ACYP1: variants seen among roughly 807,000 people sequenced by gnomAD.
ACYP1 encodes acylphosphatase-1.
Under a neutral mutation model 10.4 loss-of-function variants are expected in ACYP1, and 8 were observed. The ratio of observed to expected loss-of-function variants is 0.77; its 90% CI spans 0.45 to 1.38. The LOEUF (loss-of-function observed/expected upper bound fraction) is 1.38. Ranked by LOEUF, ACYP1 falls within the 40% of genes most tolerant of loss-of-function variation. ACYP1 has a pLI of 0.00. For missense variants in ACYP1, 93 were observed against 117.3 expected, an observed-to-expected ratio of 0.79 and a Z score of 0.96; for synonymous variants, 38 against 40.8, an observed-to-expected ratio of 0.93 and a Z score of 0.26.
chr14:75,068,995 G>A (rs76140355), upstream of ACYP1, among the ~76,000 whole-genome samples: 2,234 of 152,316 alleles, frequency 0.015, 30 homozygotes, highest in African/African-American at 0.031. Flanking sequence ...TTTTCGATCT[G>A]GTAGTTAACT....
chr14:75,055,457 C>T (rs1892854139), intron 2 of ACYP1, among the ~76,000 whole-genome samples: 2 of 151,298 alleles, frequency 1.3e-5, no homozygotes, highest in Non-Finnish European at 2.9e-5. Flanking sequence ...GCGTTTCCTA[C>T]TGGTTTCATT....
intron 2 of ACYP1, among the ~76,000 whole-genome samples, chr14:75,057,765 G>C (rs776498631): frequency 6.7e-6 from 1 of 150,208 alleles, no homozygotes; most frequent in South Asian, 2.1e-4. Context: ...TCAGGAGTTC[G>C]AGATCAGCCT....
intron 2 of ACYP1, chr14:75,061,664 C>T: frequency 1.3e-6 from 2 of 1,553,198 alleles, no homozygotes; most frequent in Non-Finnish European, 1.8e-6. Flanking sequence ...TCTCAATCAC[C>T]TTAATTTACA....
intron 2 of ACYP1, chr14:75,063,161 T>C: frequency 2.9e-6 from 1 of 344,454 alleles, no homozygotes; most frequent in Admixed American, 3.9e-5. Flanking sequence ...GAAACCTGAC[T>C]TGGTTTGATG....
upstream of ACYP1, among the ~76,000 whole-genome samples, chr14:75,068,476 G>A (rs1310383905): frequency 6.6e-6 from 1 of 151,938 alleles, no homozygotes. Flanking sequence ...ATAGAGGAGA[G>A]GGAAGGAGAG....
At position 75,054,649 on chromosome 14, in the gene ACYP1, T is replaced by G. The variant is rs188953154; in HGVS notation, c.85-990A>C. ...CTGGAGTTGGCCAAAGAAAACGTTATGCATAGCAACAAAATGTTTGATGAG... is the reference window on the plus strand; with the variant it reads ...CTGGAGTTGGCCAAAGAAAACGTTAGGCATAGCAACAAAATGTTTGATGAG... On this transcript the variant is annotated intron_variant, in intron 2 of 2. Transcript: ENST00000238618. Among the ~76,000 whole-genome samples the G allele has an allele frequency of 1.5e-3, 233 of 151,704 alleles. 13 individuals are homozygous for G. The highest frequency in any genetic ancestry group is 5.5e-3 in the African/African-American group (226 of 41,054).
intron 1 of ACYP1, chr14:75,069,133 C>G (rs540869795): frequency 1.5e-6 from 2 of 1,361,912 alleles, no homozygotes; most frequent in Non-Finnish European, 2.0e-6. Context: ...CGGAAAGATA[C>G]TGCGTAGCAA....
upstream of ACYP1, among the ~76,000 whole-genome samples, chr14:75,068,425 A>G (rs936658527): frequency 1.3e-5 from 2 of 152,208 alleles, no homozygotes; most frequent in East Asian, 3.8e-4. Context: ...CTAATTCAAG[A>G]GAACTCAATG....
At chr14:75,063,395 C>T (rs1197512313) in intron 2 of ACYP1, 75 bp downstream of exon 2, 2 of 1,278,084 alleles carry the variant, frequency 1.6e-6, no homozygotes, top group East Asian at 2.3e-5. Context: ...TTCTAGTTCA[C>T]ATTTGTCAAG....
chr14:75,054,720 A>G (rs1294732524), intron 2 of ACYP1, among the ~76,000 whole-genome samples: 1 of 151,658 alleles, frequency 6.6e-6, no homozygotes, highest in East Asian at 1.9e-4. Context: ...AAGCAAAGAC[A>G]TGTTTGCTTA....
In ACYP1 at chr14:75,063,492, A is replaced by T. The variant is rs1393455800; in HGVS notation, c.62T>A (p.Val21Glu). ...DYEIFGKVQG[V>E]FFRKHTQAEG... Reference sequence around the variant, plus strand: ...TACCTGAGTATGCTTACGGAAAAACACCCCTTGCACCTTCCCAAAAATTTC... The same window carrying T: ...TACCTGAGTATGCTTACGGAAAAACTCCCCTTGCACCTTCCCAAAAATTTC... The change falls in exon 2 of 3, where the codon GTG (valine) becomes GAG (glutamate). Residue 21 changes from valine (V) to glutamate (E), a missense_variant. Coordinates refer to ENST00000238618, the MANE Select transcript of ACYP1 (RefSeq NM_001107.5). 1 of 1,613,696 alleles carries T rather than the reference A, an allele frequency of 6.2e-7. No individual in the cohort carries two copies. The highest frequency in any genetic ancestry group is 8.5e-7 in the Non-Finnish European group (1 of 1,179,896).
At chr14:75,056,945 G>A (rs1170967242) in intron 2 of ACYP1, among the ~76,000 whole-genome samples, 5 of 151,548 alleles carry the variant, frequency 3.3e-5, no homozygotes, top group East Asian at 3.9e-4. Context: ...ACGTTCCCAC[G>A]AAGATCAGGA....
chr14:75,063,943 T>G lies in ACYP1; in HGVS notation c.-9+11A>C. 3.0e-6 allele frequency: 3 copies of G among 999,738 alleles called. No individual in the cohort carries two copies. The highest frequency in any genetic ancestry group is 3.6e-6 in the Non-Finnish European group (3 of 837,846). 61.9% of individuals were successfully genotyped at this position (999,738 alleles called of 1,614,324 possible). On this transcript the variant is annotated intron_variant, in intron 1 of 2. Coordinates refer to ENST00000238618, the MANE Select transcript of ACYP1 (RefSeq NM_001107.5). The stretch of plus-strand genomic sequence containing the variant: ...CTGAGAAGCACACCCTGGGGGCCCC[T>G]GGCGGCTCACCCTCCTTGTCTTCCC...
At chr14:75,067,189 ACACACACACACAC>A (rs1893156103), upstream of ACYP1, among the ~76,000 whole-genome samples, 2 of 3,904 alleles carry the variant, frequency 5.1e-4, no homozygotes, top group Non-Finnish European at 3.2e-3. Flanking sequence ...AACTACACAC[ACACACACACACAC>A]ACACACACAC....
Position 75,053,534 on chromosome 14 carries a change from T to G in ACYP1, c.210A>C (p.Gly70=), listed in dbSNP as rs774032259. ...CTTTGTCGATGTGTGATTTAGGACT[T>G]CCTCTTGTTTCAAGCCATTCCTGCA... The part of the protein sequence containing the change: ...RHMQEWLETR[G]SPKSHIDKAN... The change falls in exon 3 of 3, where the codon GGA becomes GGC. Residue 70 remains glycine, a synonymous_variant. Transcript: ENST00000238618. 5 of 1,614,184 alleles carry G rather than the reference T, an allele frequency of 3.1e-6. No individual in the cohort carries two copies. The East Asian group carries it at 8.9e-5, about 29-fold the overall frequency.
upstream of ACYP1, among the ~76,000 whole-genome samples, chr14:75,065,769 C>T (rs1014324098): frequency 1.3e-5 from 2 of 152,176 alleles, no homozygotes; most frequent in African/African-American, 2.4e-5. Flanking sequence ...TACAAAGGAG[C>T]AAACAAATTA....
At chr14:75,056,679 T>C (rs175512) in intron 2 of ACYP1, among the ~76,000 whole-genome samples, 77,361 of 151,090 alleles carry the variant, frequency 0.51, 21,092 homozygotes, top group African/African-American at 0.59. Flanking sequence ...AAGAATTGTA[T>C]ACCATGACAA....
chr14:75,062,101 C>A (rs1348485917), intron 2 of ACYP1, among the ~76,000 whole-genome samples: 27 of 59,728 alleles, frequency 4.5e-4, no homozygotes, highest in African/African-American at 1.6e-3. Context: ...AACTCTGTCT[C>A]AAAAAAAAAA....
intron 2 of ACYP1, chr14:75,060,319 A>G: frequency 1.6e-6 from 1 of 642,830 alleles, no homozygotes; most frequent in Non-Finnish European, 2.8e-6. Context: ...TAGGATGGCT[A>G]ACATAAAAGA....
Sources: gnomAD v4.1 joint callset for allele counts (sites outside exome capture counted in the v4.1 genomes callset) on GRCh38, gnomAD v4.1.1 for gene constraint, MANE v1.5 for transcripts, NCBI Gene and HGNC (gene_info 2026-07-23, HGNC 2026-07-21) for gene names.